CELF1: variants seen among roughly 807,000 people sequenced by gnomAD.
CELF1 encodes the protein 50 kDa nuclear polyadenylated RNA-binding protein.
CELF1 carries 10 observed loss-of-function variants against 61.8 expected under a neutral mutation model. That is an observed-to-expected ratio of 0.16 (90% CI 0.10 to 0.27). The LOEUF (loss-of-function observed/expected upper bound fraction) is 0.27. Ranked by LOEUF, CELF1 falls within the 10% of genes least tolerant of loss-of-function variation. CELF1 has a pLI of 1.00. For synonymous variants in CELF1, 236 were observed against 225.1 expected, an observed-to-expected ratio of 1.05 and a Z score of -0.43; for missense variants, 380 against 639.1, an observed-to-expected ratio of 0.59 and a Z score of 4.37.
chr11:47,545,397 C>T (rs1032241112), intron 1 of CELF1, among the ~76,000 whole-genome samples: 2 of 152,100 alleles, frequency 1.3e-5, no homozygotes, highest in African/African-American at 2.4e-5. Flanking sequence ...AACCACTGTA[C>T]GCTAGCCTGG....
Position 47,488,079 on chromosome 11 carries a change from T to C in CELF1, c.259+758A>G, listed in dbSNP as rs779027891. 3.3e-5 allele frequency among the ~76,000 whole-genome samples: 5 copies of C among 152,388 alleles called. No homozygotes were observed. The South Asian group carries it at 6.2e-4, about 19-fold the overall frequency. On this transcript the variant is annotated intron_variant, in intron 4 of 14. Transcript: ENST00000687097. ...AAAGAGAAAGTAATTCCTCTGCTTC[T>C]AGATCCTCTGCTATTAAGCTAGTTT... is the stretch of plus-strand genomic sequence containing the variant.
At chr11:47,481,272 C>T (rs988547610) in intron 9 of CELF1, among the ~76,000 whole-genome samples, 27 of 151,692 alleles carry the variant, frequency 1.8e-4, no homozygotes, top group Admixed American at 3.3e-4. Flanking sequence ...GGATTACAGG[C>T]ACCTGCCACC....
chr11:47,550,399 T>C (rs1349498947), intron 1 of CELF1, among the ~76,000 whole-genome samples: 2 of 151,944 alleles, frequency 1.3e-5, no homozygotes, highest in Non-Finnish European at 2.9e-5. Context: ...GGCGCAGTGG[T>C]GGGCGCCTGT....
At chr11:47,486,302 T>A (rs1382342122) in intron 6 of CELF1, among the ~76,000 whole-genome samples, 1 of 151,954 alleles carries the variant, frequency 6.6e-6, no homozygotes, top group Non-Finnish European at 1.5e-5. Flanking sequence ...CTCTGTCAGC[T>A]CTGTTCTTCA....
chr11:47,508,657 T>G (rs2094751296), intron 1 of CELF1, among the ~76,000 whole-genome samples: 1 of 147,318 alleles, frequency 6.8e-6, no homozygotes, highest in South Asian at 2.2e-4. Context: ...CCACCAAGAC[T>G]TTTTAAAGGA....
chr11:47,475,160 A>G (rs967151511), intron 13 of CELF1, among the ~76,000 whole-genome samples, 176 bp downstream of exon 13: 1 of 152,208 alleles, frequency 6.6e-6, no homozygotes, highest in African/African-American at 2.4e-5. Context: ...CATCCAGAAA[A>G]CATTTAAAAA....
intron 1 of CELF1, among the ~76,000 whole-genome samples, chr11:47,542,000 A>C (rs2096819226): frequency 6.6e-6 from 1 of 151,938 alleles, no homozygotes; most frequent in African/African-American, 2.4e-5. Context: ...AAATTATTCA[A>C]CTCCATTTTG....
intron 2 of CELF1, 27 bp downstream of exon 2, chr11:47,500,834 C>A: frequency 2.5e-6 from 1 of 398,468 alleles, no homozygotes; most frequent in Non-Finnish European, 4.4e-6. Flanking sequence ...GGCTTTCTTT[C>A]CATTTTTATC....
chr11:47,470,372 A>G lies in CELF1; in HGVS notation c.*1858T>C, dbSNP rs2077425617. 1 of 150,024 alleles carries G rather than the reference A, an allele frequency of 6.7e-6. No individual in the cohort carries two copies. Among genetic ancestry groups the G allele is most frequent in the Non-Finnish European group, 1.5e-5 (1 of 67,552 alleles). 9.3% of individuals were successfully genotyped at this position (150,024 alleles called of 1,614,324 possible). ...TCCCATCATGACCCTGGAAGCCTTT[A>G]GAACAGTTTTATCCTTTGAAACACA... On this transcript the variant is annotated 3_prime_UTR_variant, in exon 15 of 15. Transcript: ENST00000687097.
intron 3 of CELF1, among the ~76,000 whole-genome samples, chr11:47,489,935 G>GTTTT (rs561900704): frequency 0.042 from 2,026 of 48,166 alleles, 592 homozygotes; most frequent in African/African-American, 0.11. Context: ...ATACCATCTT[G>GTTTT]TTTTTTTTTT....
At chr11:47,538,526 C>G (rs2096689530) in intron 1 of CELF1, among the ~76,000 whole-genome samples, 1 of 151,800 alleles carries the variant, frequency 6.6e-6, no homozygotes. Context: ...ACCTGTACTC[C>G]CAGCTACTCG....
At chr11:47,477,125 A>C in intron 11 of CELF1, 166 bp from the exon 12 acceptor site, 1 of 893,728 alleles carries the variant, frequency 1.1e-6, no homozygotes, top group Non-Finnish European at 1.7e-6. Flanking sequence ...AGCACATTGA[A>C]AATCAGGAAG....
chr11:47,534,212 T>C (rs2096572472), intron 1 of CELF1, among the ~76,000 whole-genome samples: 1 of 151,018 alleles, frequency 6.6e-6, no homozygotes, highest in African/African-American at 2.4e-5. Context: ...GTATTTCTAG[T>C]AGAGATGGGG....
intron 3 of CELF1, among the ~76,000 whole-genome samples, chr11:47,498,527 A>C (rs2093481122): frequency 6.6e-6 from 1 of 152,216 alleles, no homozygotes; most frequent in Non-Finnish European, 1.5e-5. Flanking sequence ...TGATTTGCAC[A>C]TGGAGGCCTA....
chr11:47,521,230 C>T (rs572921188), intron 1 of CELF1, among the ~76,000 whole-genome samples: 1 of 151,784 alleles, frequency 6.6e-6, no homozygotes, highest in Non-Finnish European at 1.5e-5. Flanking sequence ...CCAGCCTGGG[C>T]GACTGAGAGA....
At chr11:47,488,686 C>G in intron 4 of CELF1, 151 bp downstream of exon 4, 2 of 537,698 alleles carry the variant, frequency 3.7e-6, no homozygotes, top group Non-Finnish European at 6.3e-6. Flanking sequence ...GACAGACAGA[C>G]AGGAGTATTC....
At chr11:47,562,266 C>G (rs1248067571) in intron 2 of CELF1, among the ~76,000 whole-genome samples, 1 of 150,666 alleles carries the variant, frequency 6.6e-6, no homozygotes, top group Admixed American at 6.6e-5. Context: ...TGGCTCACAC[C>G]TGTAATGCCA....
intron 1 of CELF1, among the ~76,000 whole-genome samples, chr11:47,506,367 T>G (rs931285058): frequency 1.3e-5 from 2 of 151,600 alleles, no homozygotes; most frequent in Admixed American, 6.6e-5. Context: ...GCGGAGGGGT[T>G]GCAGTGAGCC....
Position 47,469,251 on chromosome 11 carries a change from G to GC in CELF1, c.*2978dup, listed in dbSNP as rs1425425196. 1.3e-5 allele frequency: 2 copies of GC among 152,290 alleles called. No individual in the cohort carries two copies. Among genetic ancestry groups the GC allele is most frequent in the Non-Finnish European group, 2.9e-5 (2 of 68,114 alleles). The allele number at this position is 152,290 out of a possible 1,614,324, so 9.4% of individuals were successfully genotyped here. On this transcript the variant is annotated 3_prime_UTR_variant, in exon 15 of 15. Transcript: ENST00000687097. The stretch of plus-strand genomic sequence containing the variant: ...ACCCAAGGGGAAGCAGAAGATGCTG[G>GC]CTGGGGTGGGGAAAATTTTTCAGGG...
Sources: allele counts gnomAD v4.1 joint callset (sites outside exome capture counted in the v4.1 genomes callset), GRCh38; gene constraint gnomAD v4.1.1; transcripts MANE v1.5; gene names NCBI Gene and HGNC (gene_info 2026-07-23, HGNC 2026-07-21).